The following SFXN5 variants were observed in gnomAD, a reference collection of about 807,000 sequenced individuals.
SFXN5 encodes the protein sideroflexin 5.
A neutral mutation model predicts 50.2 loss-of-function variants in SFXN5; 43 were observed. That is an observed-to-expected ratio of 0.86 (90% CI 0.67 to 1.11). The LOEUF is 1.11. Among genes scored for constraint, SFXN5 ranks in the 50% least tolerant of loss-of-function variants. The pLI, the probability that SFXN5 is intolerant of heterozygous loss-of-function variation, is 0.00. For missense variants in SFXN5, 463 were observed against 454.1 expected (o/e 1.02, Z -0.18); for synonymous variants, 203 against 185.8 (o/e 1.09, Z -0.75).
intron 13 of SFXN5, among the ~76,000 whole-genome samples, chr2:72,949,685 A>T (rs1422733810): frequency 6.6e-6 from 1 of 151,444 alleles, no homozygotes; most frequent in African/African-American, 2.4e-5. Context: ...GGGGGTGGGG[A>T]GGCCTCCTGG....
At chr2:72,987,117 TTTTTG>T (rs1196625930) in intron 10 of SFXN5, among the ~76,000 whole-genome samples, 2 of 152,154 alleles carry the variant, frequency 1.3e-5, no homozygotes, top group Non-Finnish European at 2.9e-5. Flanking sequence ...TTTGGGGTTT[TTTTTG>T]TTTTGTTTTG....
At position 72,960,014 on chromosome 2, in the gene SFXN5, G is replaced by A. The variant is rs1215695645; in HGVS notation, c.945+1117C>T. Among the ~76,000 whole-genome samples the A allele has an allele frequency of 6.6e-6, 1 of 151,968 alleles. No homozygotes were observed. Among genetic ancestry groups the A allele is most frequent in the African/African-American group, 2.4e-5 (1 of 41,366 alleles). On this transcript the variant is annotated intron_variant, in intron 13 of 13. Coordinates refer to ENST00000272433, the MANE Select transcript of SFXN5 (RefSeq NM_144579.3). This position sits in a 1 kb window ranked among gnomAD's most constrained non-coding sequence, Gnocchi z 6.1. Reference sequence around the variant, plus strand: ...ACCTCTCAGGAGGGTCTGACCCTGTGGATGCCCCCCACCCACCCTGATCAC... The same window carrying A: ...ACCTCTCAGGAGGGTCTGACCCTGTAGATGCCCCCCACCCACCCTGATCAC...
intron 9 of SFXN5, among the ~76,000 whole-genome samples, chr2:72,995,714 G>C (rs1673142621): frequency 6.6e-6 from 1 of 152,166 alleles, no homozygotes; most frequent in African/African-American, 2.4e-5. Context: ...GCCCTGGGAG[G>C]GGATTTGTCA....
chr2:72,995,992 A>G (rs1054942312), intron 9 of SFXN5, among the ~76,000 whole-genome samples: 1 of 152,220 alleles, frequency 6.6e-6, no homozygotes, highest in African/African-American at 2.4e-5. Flanking sequence ...GCGATCAATC[A>G]GTGGCCTAAT....
intron 2 of SFXN5, chr2:73,042,447 T>C (rs146414211): frequency 0.15 from 22,945 of 151,802 alleles, 2,021 homozygotes; most frequent in East Asian, 0.36. Context: ...ACCCCGTCTC[T>C]ACTAAAAATA....
rs1673793909 is a variant in SFXN5 at position 72,961,943 on chromosome 2, C to T, written c.828-695G>A. Among the ~76,000 whole-genome samples, 1 of 152,210 alleles carries T rather than the reference C, an allele frequency of 6.6e-6. No individual in the cohort carries two copies. The highest frequency in any genetic ancestry group is 2.4e-5 in the African/African-American group (1 of 41,444). On this transcript the variant is annotated intron_variant, in intron 12 of 13. Coordinates refer to ENST00000272433, the MANE Select transcript of SFXN5 (RefSeq NM_144579.3). The surrounding 1 kb of genome is among the most constrained non-coding windows in gnomAD (Gnocchi z 4.4). ...TGTGCCAGCTTCATCACCAACACAA[C>T]ACAGCTGGCACCCTCTTCCCATGGC...
chr2:73,067,020 T>C (rs950079413), intron 1 of SFXN5, among the ~76,000 whole-genome samples: 7 of 151,840 alleles, frequency 4.6e-5, no homozygotes, highest in Non-Finnish European at 8.8e-5. Context: ...CTGTACTCTA[T>C]TGTGGGTGAC....
At chr2:73,055,422 C>T (rs1681956679) in intron 2 of SFXN5, among the ~76,000 whole-genome samples, 1 of 152,206 alleles carries the variant, frequency 6.6e-6, no homozygotes, top group South Asian at 2.1e-4. Context: ...ATAGCATCCA[C>T]ATCTTAGGGC....
At chr2:73,023,844 A>G (rs1677219402) in intron 3 of SFXN5, among the ~76,000 whole-genome samples, 1 of 152,200 alleles carries the variant, frequency 6.6e-6, no homozygotes, top group East Asian at 1.9e-4. Context: ...TGTAGGGAGA[A>G]AAAGTTCCTT....
rs113946366 is a variant in SFXN5, at chr2:73,036,143, C to T, written c.249+4711G>A. On this transcript the variant is annotated intron_variant, in intron 3 of 13. Transcript: ENST00000272433. The stretch of plus-strand genomic sequence containing the variant: ...GACTGAGAACAAGAACCACCCGGGC[C>T]GCTTCAGATGAGCAGGGCCAGCCTG... 6.6e-5 allele frequency among the ~76,000 whole-genome samples: 10 copies of T among 152,334 alleles called. 1 individual carries two copies. The highest frequency in any genetic ancestry group is 1.7e-4 in the African/African-American group (7 of 41,578).
chr2:72,968,396 T>G, intron 12 of SFXN5, 52 bp downstream of exon 12: 124 of 1,039,200 alleles, frequency 1.2e-4, no homozygotes, highest in Non-Finnish European at 1.5e-4. Flanking sequence ...TCCCCCTCCC[T>G]CTCCCCCTCC....
intron 13 of SFXN5, among the ~76,000 whole-genome samples, chr2:72,951,304 T>G (rs1672508729): frequency 6.6e-6 from 1 of 151,958 alleles, no homozygotes; most frequent in South Asian, 2.1e-4. Context: ...GCTCAGACCT[T>G]GCTGCCCCTC....
chr2:73,018,048 T>A (rs549807429), intron 6 of SFXN5, among the ~76,000 whole-genome samples: 11 of 151,988 alleles, frequency 7.2e-5, no homozygotes, highest in South Asian at 2.1e-4. Context: ...TATAAAAAAA[T>A]TTTTGAGAAG....
At position 72,988,270 on chromosome 2, in the gene SFXN5, A is replaced by T; in HGVS notation, c.613T>A (p.Phe205Ile). The change falls in exon 10 of 14, where the codon TTC becomes ATC. Residue 205 changes from phenylalanine (F) to isoleucine (I), a missense_variant. Physicochemically the swap from Phe to Ile is conservative, Grantham distance 21. Coordinates refer to ENST00000272433, the MANE Select transcript of SFXN5 (RefSeq NM_144579.3). The part of the protein sequence containing the change: ...TRLLIQRFVP[F>I]PAVASANICN... ...GTGCAGGTCTTACCTACAGCAGGGAACGGCACAAACCTCTGGATGAGAAGG... is the reference window on the plus strand; with the variant it reads ...GTGCAGGTCTTACCTACAGCAGGGATCGGCACAAACCTCTGGATGAGAAGG... 6.2e-7 allele frequency: 1 copy of T among 1,613,716 alleles called. No individual in the cohort carries two copies.
chr2:73,071,677 G>C lies in SFXN5; in HGVS notation c.29C>G (p.Ala10Gly). Residue 10 changes from alanine to glycine, a missense_variant, in exon 1 of 14, where the codon GCG (alanine) becomes GGG (glycine). Coordinates refer to ENST00000272433, the MANE Select transcript of SFXN5 (RefSeq NM_144579.3). MADTATTAS[A>G]AAASAASASS... ...GGCGCTAGCGGCACTAGCCGCCGCCGCCGATGCTGTAGTCGCTGTATCCGC... is the reference window on the plus strand; with the variant it reads ...GGCGCTAGCGGCACTAGCCGCCGCCCCCGATGCTGTAGTCGCTGTATCCGC... 3.1e-6 allele frequency: 5 copies of C among 1,613,058 alleles called. No individual in the cohort carries two copies. Among genetic ancestry groups the C allele is most frequent in the Non-Finnish European group, 3.4e-6 (4 of 1,179,844 alleles).
At chr2:73,000,392 C>A (rs758638981) in intron 8 of SFXN5, 39 bp downstream of exon 8, 3 of 1,548,238 alleles carry the variant, frequency 1.9e-6, no homozygotes, top group Middle Eastern at 1.7e-4. Flanking sequence ...GCCTCCCTAG[C>A]CTGAACCCCA....
At chr2:73,014,363 A>G (rs2105787976) in intron 6 of SFXN5, among the ~76,000 whole-genome samples, 1 of 152,288 alleles carries the variant, frequency 6.6e-6, no homozygotes, top group South Asian at 2.1e-4. Flanking sequence ...CACCTTAGTC[A>G]AATCTTAAAT....
At chr2:73,059,128 G>A in intron 1 of SFXN5, 1 of 984,310 alleles carries the variant, frequency 1.0e-6, no homozygotes, top group South Asian at 4.7e-5. Context: ...CAGCCCTGTA[G>A]CTGCTGAAGT....
chr2:72,964,634 C>A (rs1282558993), intron 12 of SFXN5, among the ~76,000 whole-genome samples: 1 of 152,242 alleles, frequency 6.6e-6, no homozygotes, highest in Non-Finnish European at 1.5e-5. Context: ...TTCCAGAGTA[C>A]ATGTGAGATT....
Sources: gnomAD v4.1 joint callset for allele counts (sites outside exome capture counted in the v4.1 genomes callset) on GRCh38, gnomAD v4.1.1 for gene constraint, Gnocchi (gnomAD v3.1) non-coding constraint, MANE v1.5 for transcripts, NCBI Gene and HGNC (gene_info 2026-07-23, HGNC 2026-07-21) for gene names.